TGFB2: variants seen among roughly 807,000 people sequenced by gnomAD.
The protein encoded by TGFB2 is transforming growth factor beta-2 proprotein.
A neutral mutation model predicts 42.7 loss-of-function variants in TGFB2; 13 were observed. That is an observed-to-expected ratio of 0.30 (90% CI 0.20 to 0.48). The LOEUF is 0.48. Among genes scored for constraint, TGFB2 ranks in the 20% least tolerant of loss-of-function variants. The pLI is 0.99. For missense variants in TGFB2, 390 were observed against 517.5 expected, an observed-to-expected ratio of 0.75 and a Z score of 2.39; for synonymous variants, 193 against 193.6, an observed-to-expected ratio of 1.00 and a Z score of 0.03.
At chr1:218,420,934 C>T (rs1205176527) in intron 2 of TGFB2, among the ~76,000 whole-genome samples, 2 of 152,120 alleles carry the variant, frequency 1.3e-5, no homozygotes, top group South Asian at 2.1e-4. Flanking sequence ...ACATTACTTA[C>T]GACCTCTTAG....
intron 2 of TGFB2, among the ~76,000 whole-genome samples, chr1:218,415,699 G>GAAAA (rs1174137652): frequency 8.1e-5 from 5 of 61,676 alleles, no homozygotes; most frequent in Admixed American, 3.6e-4. Context: ...TGTCTCAAAA[G>GAAAA]AAAAAAAAAA....
intron 2 of TGFB2, among the ~76,000 whole-genome samples, chr1:218,429,504 C>A (rs148932607): frequency 6.6e-6 from 1 of 152,258 alleles, no homozygotes; most frequent in East Asian, 1.9e-4. Flanking sequence ...TTGATGAGTA[C>A]TTGAATTTTT....
chr1:218,364,139 T>C (rs890354501), intron 1 of TGFB2, among the ~76,000 whole-genome samples: 2 of 152,016 alleles, frequency 1.3e-5, no homozygotes, highest in African/African-American at 2.4e-5. Flanking sequence ...TGTCGGGGAG[T>C]TATGCTGCTG....
At chr1:218,356,700 T>A (rs1030080073) in intron 1 of TGFB2, among the ~76,000 whole-genome samples, 1 of 152,158 alleles carries the variant, frequency 6.6e-6, no homozygotes, top group African/African-American at 2.4e-5. Flanking sequence ...CTGGTTTCGC[T>A]TCTCCTCACA....
At chr1:218,396,122 C>A (rs963975507) in intron 1 of TGFB2, among the ~76,000 whole-genome samples, 1 of 152,102 alleles carries the variant, frequency 6.6e-6, no homozygotes. Context: ...AGAAGGGAAG[C>A]CTGGTCAAGT....
At chr1:218,416,300 T>C (rs1295587119) in intron 2 of TGFB2, among the ~76,000 whole-genome samples, 1 of 152,138 alleles carries the variant, frequency 6.6e-6, no homozygotes, top group Admixed American at 6.5e-5. Flanking sequence ...TCCTTTTTTT[T>C]TTCATGTTGT....
intron 1 of TGFB2, among the ~76,000 whole-genome samples, chr1:218,391,875 C>G (rs1328320644): frequency 6.6e-6 from 1 of 152,174 alleles, no homozygotes; most frequent in African/African-American, 2.4e-5. Flanking sequence ...ATAGATAGTT[C>G]TACTCTATTC....
chr1:218,385,474 G>T (rs1658102694), intron 1 of TGFB2, among the ~76,000 whole-genome samples: 1 of 152,210 alleles, frequency 6.6e-6, no homozygotes, highest in South Asian at 2.1e-4. Context: ...AGGAAAATGA[G>T]AATTCCTGCT....
At position 218,437,331 on chromosome 1, in the gene TGFB2, T is replaced by C; in HGVS notation, c.933-12T>C. On this transcript the variant is annotated splice_polypyrimidine_tract_variant and intron_variant, in intron 5 of 6. Coordinates refer to ENST00000366930, the MANE Select transcript of TGFB2 (RefSeq NM_003238.6). The stretch of plus-strand genomic sequence containing the variant: ...TAAAATCTCCATTGCTTTTTTTTTT[T>C]TTTTTTAACAGAAATGTGCAGGATA... 6 of 1,553,886 alleles carry C rather than the reference T, an allele frequency of 3.9e-6. No individual in the cohort carries two copies. The highest frequency in any genetic ancestry group is 1.2e-5 in the South Asian group (1 of 80,056).
intron 1 of TGFB2, among the ~76,000 whole-genome samples, chr1:218,379,171 C>T (rs1287466976): frequency 7.0e-5 from 10 of 143,874 alleles, no homozygotes; most frequent in Non-Finnish European, 1.0e-4. Context: ...CTCACTCTGT[C>T]ACCCAGGCTG....
intron 1 of TGFB2, among the ~76,000 whole-genome samples, chr1:218,376,043 T>C (rs1280875121): frequency 6.6e-6 from 1 of 152,162 alleles, no homozygotes; most frequent in Admixed American, 6.5e-5. Flanking sequence ...TACTAATAAA[T>C]GGGCCTAAAG....
At chr1:218,359,713 G>A (rs1465837373) in intron 1 of TGFB2, among the ~76,000 whole-genome samples, 2 of 152,156 alleles carry the variant, frequency 1.3e-5, no homozygotes, top group African/African-American at 2.4e-5. Flanking sequence ...GTGTTGGGAG[G>A]AATGATTGTA....
intron 1 of TGFB2, among the ~76,000 whole-genome samples, chr1:218,403,478 T>C (rs1217030863): frequency 1.3e-5 from 2 of 152,230 alleles, no homozygotes; most frequent in Non-Finnish European, 2.9e-5. Flanking sequence ...CGTCAGGGCA[T>C]GGATTTCCCA....
chr1:218,388,947 T>C (rs1055686478), intron 1 of TGFB2, among the ~76,000 whole-genome samples: 2 of 152,158 alleles, frequency 1.3e-5, no homozygotes, highest in African/African-American at 4.8e-5. Flanking sequence ...TAGAAGGCAC[T>C]CTATACAGGG....
intron 2 of TGFB2, among the ~76,000 whole-genome samples, chr1:218,411,258 T>C (rs1659087098): frequency 6.6e-6 from 1 of 152,214 alleles, no homozygotes; most frequent in Non-Finnish European, 1.5e-5. Context: ...ATAATAATCA[T>C]TTTGTTATAC....
chr1:218,349,410 C>A (rs1262976321), intron 1 of TGFB2, among the ~76,000 whole-genome samples: 1 of 152,160 alleles, frequency 6.6e-6, no homozygotes, highest in African/African-American at 2.4e-5. Flanking sequence ...GGCTTATATA[C>A]CAGCTTTCCC....
At chr1:218,376,250 G>A (rs992730778) in intron 1 of TGFB2, among the ~76,000 whole-genome samples, 3 of 152,202 alleles carry the variant, frequency 2.0e-5, no homozygotes, top group African/African-American at 7.2e-5. Flanking sequence ...TAGGAGGGCT[G>A]GAAGCTCAGA....
intron 1 of TGFB2, among the ~76,000 whole-genome samples, chr1:218,353,823 G>A (rs1000286648): frequency 6.6e-6 from 1 of 152,164 alleles, no homozygotes; most frequent in African/African-American, 2.4e-5. Flanking sequence ...CTAGGAGTTT[G>A]AGGCTGCAGT....
At chr1:218,417,099 A>T (rs1486116302) in intron 2 of TGFB2, among the ~76,000 whole-genome samples, 1 of 152,264 alleles carries the variant, frequency 6.6e-6, no homozygotes, top group Non-Finnish European at 1.5e-5. Context: ...AAAATGTGGA[A>T]GCAACTTTGG....
Sources: gnomAD v4.1 joint callset for allele counts (sites outside exome capture counted in the v4.1 genomes callset) on GRCh38, gnomAD v4.1.1 for gene constraint, MANE v1.5 for transcripts, NCBI Gene and HGNC (gene_info 2026-07-23, HGNC 2026-07-21) for gene names.